Variants in DCLK1 observed in about 807,000 individuals in gnomAD.
The protein encoded by DCLK1 is doublecortin like kinase 1.
Under a neutral mutation model 86.2 loss-of-function variants are expected in DCLK1, and 16 were observed. The ratio of observed to expected loss-of-function variants is 0.19; its 90% CI spans 0.13 to 0.28. The LOEUF is 0.28. DCLK1 is among the 10% of genes least tolerant of loss of function. The pLI is 1.00. For synonymous variants in DCLK1, 369 were observed against 370.5 expected (o/e 1.00, Z 0.05); for missense variants, 590 against 940.2 (o/e 0.63, Z 4.87).
chr13:35,851,994 T>G (rs1211237643), intron 6 of DCLK1, among the ~76,000 whole-genome samples: 1 of 99,892 alleles, frequency 1.0e-5, no homozygotes, highest in Non-Finnish European at 2.2e-5. Context: ...CATGTGTGTG[T>G]ATGTGTGTGT....
At chr13:36,094,170 C>T (rs1884926229) in intron 3 of DCLK1, among the ~76,000 whole-genome samples, 1 of 152,104 alleles carries the variant, frequency 6.6e-6, no homozygotes, top group South Asian at 2.1e-4. Context: ...AAATTTTGCA[C>T]CCCTCCACAA....
At chr13:36,077,549 TA>T (rs1292734908) in intron 3 of DCLK1, among the ~76,000 whole-genome samples, 2 of 152,168 alleles carry the variant, frequency 1.3e-5, no homozygotes, top group African/African-American at 4.8e-5. Flanking sequence ...CTATTAGCAC[TA>T]AAGACTTGCA....
chr13:36,066,744 G>A (rs865831418), intron 3 of DCLK1, among the ~76,000 whole-genome samples: 21 of 152,092 alleles, frequency 1.4e-4, no homozygotes, highest in South Asian at 4.2e-4. Context: ...ACAAGTGGGC[G>A]AAGGACATGA....
At chr13:36,045,332 GTATATATATATATATATATATATA>G (rs1174545505) in intron 3 of DCLK1, among the ~76,000 whole-genome samples, 3 of 55,772 alleles carry the variant, frequency 5.4e-5, no homozygotes, top group Admixed American at 2.3e-4. Context: ...GTGTGTGTGT[GTATATATATATATATATATATATA>G]TATATATATA....
chr13:35,910,191 A>T (rs911790166), intron 4 of DCLK1, among the ~76,000 whole-genome samples: 61 of 152,224 alleles, frequency 4.0e-4, no homozygotes, highest in Admixed American at 4.0e-3. Flanking sequence ...TTTCCGATAA[A>T]AATTACATGC....
intron 5 of DCLK1, chr13:35,855,805 C>G: frequency 8.0e-7 from 1 of 1,254,604 alleles, no homozygotes; most frequent in East Asian, 2.9e-5. Context: ...ATCCCGACAC[C>G]ACTCCCTTCC....
At chr13:36,046,489 G>T (rs77389302) in intron 3 of DCLK1, among the ~76,000 whole-genome samples, 3,602 of 152,276 alleles carry the variant, frequency 0.024, 43 homozygotes, top group South Asian at 0.059. Flanking sequence ...AAAGTAAACT[G>T]GTTGTTTGAA....
At chr13:36,045,889 G>A (rs1393538813) in intron 3 of DCLK1, among the ~76,000 whole-genome samples, 1 of 151,916 alleles carries the variant, frequency 6.6e-6, no homozygotes, top group African/African-American at 2.4e-5. Flanking sequence ...GCCAAGTTCA[G>A]TGCTCAATAA....
At chr13:35,901,684 T>C (rs146104777) in intron 4 of DCLK1, among the ~76,000 whole-genome samples, 14 of 152,030 alleles carry the variant, frequency 9.2e-5, no homozygotes, top group Admixed American at 9.2e-4. Context: ...CCCAGCCTCC[T>C]CCACCAGGCT....
intron 3 of DCLK1, among the ~76,000 whole-genome samples, chr13:36,082,083 G>A (rs1349597139): frequency 3.9e-5 from 6 of 152,126 alleles, no homozygotes; most frequent in African/African-American, 1.2e-4. Context: ...AACTGTGCAA[G>A]TCAACTTATA....
chr13:35,822,591 A>C, intron 11 of DCLK1, 138 bp downstream of exon 11: 1 of 1,256,044 alleles, frequency 8.0e-7, no homozygotes, highest in Non-Finnish European at 1.1e-6. Flanking sequence ...GCTAGTTTCC[A>C]ACTAGCTCCT....
At chr13:36,073,102 A>G (rs1200881974) in intron 3 of DCLK1, among the ~76,000 whole-genome samples, 1 of 152,226 alleles carries the variant, frequency 6.6e-6, no homozygotes, top group South Asian at 2.1e-4. Context: ...TATAACTTAC[A>G]TGCCATAAAA....
At chr13:35,882,470 T>C (rs1367734559) in intron 4 of DCLK1, among the ~76,000 whole-genome samples, 2 of 152,360 alleles carry the variant, frequency 1.3e-5, no homozygotes, top group African/African-American at 2.4e-5. Flanking sequence ...TACCAGCCTC[T>C]CTTGAGCATT....
intron 3 of DCLK1, among the ~76,000 whole-genome samples, chr13:36,110,703 A>T (rs1926325): frequency 0.6 from 90,534 of 151,944 alleles, 27,636 homozygotes; most frequent in East Asian, 0.86. Flanking sequence ...CTCAAAAAAA[A>T]TTTTTTAAAA....
At chr13:35,882,398 C>T (rs1828821625) in intron 4 of DCLK1, among the ~76,000 whole-genome samples, 1 of 152,224 alleles carries the variant, frequency 6.6e-6, no homozygotes, top group Non-Finnish European at 1.5e-5. Flanking sequence ...GTCACATTTA[C>T]ACATTGAAAC....
chr13:36,042,446 C>G (rs1882731713), intron 3 of DCLK1, among the ~76,000 whole-genome samples: 1 of 152,188 alleles, frequency 6.6e-6, no homozygotes, highest in African/African-American at 2.4e-5. Flanking sequence ...ATGAAACATT[C>G]TCCACCTCCT....
At chr13:36,036,393 G>A (rs919512442) in intron 3 of DCLK1, among the ~76,000 whole-genome samples, 2 of 152,120 alleles carry the variant, frequency 1.3e-5, no homozygotes, top group Non-Finnish European at 2.9e-5. Flanking sequence ...ATTCTTTCCT[G>A]GGCAAAGCCA....
At chr13:36,040,985 T>A (rs9575162) in intron 3 of DCLK1, among the ~76,000 whole-genome samples, 56,590 of 151,874 alleles carry the variant, frequency 0.37, 10,638 homozygotes, top group Middle Eastern at 0.41. Context: ...ACTATAAGAT[T>A]CTTCAGGCTG....
At chr13:35,902,700 T>TG (rs1370285317) in intron 4 of DCLK1, among the ~76,000 whole-genome samples, 2 of 151,926 alleles carry the variant, frequency 1.3e-5, no homozygotes, top group South Asian at 2.1e-4. Context: ...CTTAAGGCGG[T>TG]GGGGGGTGCT....
Sources: gnomAD v4.1 joint callset for allele counts (sites outside exome capture counted in the v4.1 genomes callset) on GRCh38, gnomAD v4.1.1 for gene constraint, MANE v1.5 for transcripts, NCBI Gene and HGNC (gene_info 2026-07-23, HGNC 2026-07-21) for gene names.